ZNF516: variants seen among roughly 807,000 people sequenced by gnomAD.
ZNF516 encodes zinc finger protein 516.
Under a neutral mutation model 79.7 loss-of-function variants are expected in ZNF516, and 19 were observed. The observed-to-expected ratio is 0.24, with a 90% CI of 0.17 to 0.35. The LOEUF (loss-of-function observed/expected upper bound fraction) is 0.35. Ranked by LOEUF, ZNF516 falls within the 10% of genes least tolerant of loss-of-function variation. The pLI is 1.00. For missense variants in ZNF516, 1,678 were observed against 1,679.5 expected (o/e 1.00, Z 0.02); for synonymous variants, 877 against 739.5 (o/e 1.19, Z -3.02).
At chr18:76,363,538 T>C (rs1873174125) in intron 6 of ZNF516, among the ~76,000 whole-genome samples, 1 of 152,090 alleles carries the variant, frequency 6.6e-6, no homozygotes, top group Non-Finnish European at 1.5e-5. Context: ...CTGGACAAAA[T>C]TTTACGAGGG....
At position 76,380,056 on chromosome 18, in the gene ZNF516, G is replaced by C. The variant is rs770298086; in HGVS notation, c.2058C>G (p.Val686=). The change falls in exon 4 of 7, where the codon GTC becomes GTG. Residue 686 remains valine, a synonymous_variant. Transcript: ENST00000443185. ...AAGGGAACTCCACACCATCACCAGG[G>C]ACGGGCACCTCCTGCTTGGGGTGAA... ...PAFHPKQEVP[V]PGDGVEFPSS... 6.2e-7 allele frequency: 1 copy of C among 1,613,978 alleles called. No individual in the cohort carries two copies. The highest frequency in any genetic ancestry group is 1.1e-5 in the South Asian group (1 of 91,080).
Position 76,441,133 on chromosome 18 carries a change from C to T in ZNF516, c.1810+112G>A, listed in dbSNP as rs928810224. ...GCATAGGCCTAGCTGAGTAAAGGGC[C>T]ACCGGGTAAGGGGCTAATGAGCGAG... On this transcript the variant is annotated intron_variant, in intron 3 of 6. Transcript: ENST00000443185. 15 of 1,411,934 alleles carry T rather than the reference C, an allele frequency of 1.1e-5. No homozygotes were observed. In the African/African-American group the frequency reaches 1.9e-4, roughly 18 times the overall value. The allele number at this position is 1,411,934 out of a possible 1,614,324, so 87.5% of individuals were successfully genotyped here.
intron 4 of ZNF516, among the ~76,000 whole-genome samples, chr18:76,371,981 A>G (rs1272418228): frequency 1.3e-5 from 2 of 152,134 alleles, no homozygotes; most frequent in Non-Finnish European, 2.9e-5. Flanking sequence ...GCGGGACCAG[A>G]GCCCACCGTG....
chr18:76,496,218 C>G (rs1479941856), upstream of ZNF516: 31 of 1,228,754 alleles, frequency 2.5e-5, no homozygotes, highest in African/African-American at 4.7e-5. Context: ...CCTTCACGGC[C>G]GGTGACGTAG....
intron 1 of ZNF516, chr18:76,490,681 C>A: frequency 1.3e-6 from 1 of 761,560 alleles, no homozygotes; most frequent in Non-Finnish European, 1.6e-6. Context: ...TTTAAATTAC[C>A]TTCAATCAAG....
chr18:76,475,766 T>C (rs1377515058), intron 1 of ZNF516, among the ~76,000 whole-genome samples: 3 of 152,138 alleles, frequency 2.0e-5, no homozygotes, highest in Non-Finnish European at 2.9e-5. Context: ...ACCCTACACA[T>C]GCCTTAAAGC....
intron 3 of ZNF516, among the ~76,000 whole-genome samples, chr18:76,418,024 G>A (rs777316588): frequency 1.3e-5 from 2 of 152,138 alleles, no homozygotes; most frequent in Non-Finnish European, 2.9e-5. Flanking sequence ...AGGATTCTAC[G>A]TTTCTCCTTC....
chr18:76,371,611 G>T, intron 4 of ZNF516, 40 bp from the exon 5 acceptor site: 1 of 1,564,688 alleles, frequency 6.4e-7, no homozygotes, highest in South Asian at 1.1e-5. Context: ...GGCCGTGGTG[G>T]GGTTGGCGTG....
At chr18:76,421,148 A>G (rs1239216884) in intron 3 of ZNF516, among the ~76,000 whole-genome samples, 2 of 152,252 alleles carry the variant, frequency 1.3e-5, no homozygotes, top group African/African-American at 2.4e-5. Context: ...ATGTATGTTC[A>G]GGGTCAACTA....
chr18:76,370,484 C>T (rs1035205626), intron 6 of ZNF516, 44 bp downstream of exon 6: 4 of 1,545,090 alleles, frequency 2.6e-6, no homozygotes, highest in Non-Finnish European at 3.5e-6. Flanking sequence ...CCTTTCCCAG[C>T]TACCGCATCG....
chr18:76,427,815 A>G (rs981937930), intron 3 of ZNF516, among the ~76,000 whole-genome samples: 3 of 152,252 alleles, frequency 2.0e-5, no homozygotes, highest in African/African-American at 7.2e-5. Flanking sequence ...GGACAAGTAC[A>G]TCAGGGAAGA....
chr18:76,371,442 G>A (rs747040802), intron 5 of ZNF516, 25 bp downstream of exon 5: 2 of 1,591,624 alleles, frequency 1.3e-6, no homozygotes, highest in Admixed American at 3.4e-5. Flanking sequence ...CTCCCCTTGG[G>A]GATAGCTGGG....
intron 2 of ZNF516, among the ~76,000 whole-genome samples, chr18:76,458,668 CCGTCGTGTGTGCGTGCCTCACCGT>C (rs1568310509): frequency 6.8e-6 from 1 of 146,670 alleles, no homozygotes; most frequent in Non-Finnish European, 1.5e-5. Flanking sequence ...GCGTGCCTCA[CCGTCGTGTGTGCGTGCCTCACCGT>C]CGTGTGTGCG....
chr18:76,404,854 T>G (rs2075283598), intron 3 of ZNF516, among the ~76,000 whole-genome samples: 2 of 152,314 alleles, frequency 1.3e-5, no homozygotes, highest in South Asian at 4.1e-4. Flanking sequence ...TGTGTGCATG[T>G]GTGAGCATCT....
At chr18:76,399,023 C>G (rs561640519) in intron 3 of ZNF516, among the ~76,000 whole-genome samples, 1 of 152,166 alleles carries the variant, frequency 6.6e-6, no homozygotes, top group East Asian at 1.9e-4. Context: ...CTCTGTCCTC[C>G]GTGACAGAGG....
intron 1 of ZNF516, among the ~76,000 whole-genome samples, chr18:76,463,569 C>G (rs1913258173): frequency 6.6e-6 from 1 of 152,266 alleles, no homozygotes; most frequent in East Asian, 1.9e-4. Context: ...CCAGAAATGC[C>G]AGGCCCCTGG....
chr18:76,429,407 C>T (rs2075634400), intron 3 of ZNF516, among the ~76,000 whole-genome samples: 1 of 152,204 alleles, frequency 6.6e-6, no homozygotes, highest in Non-Finnish European at 1.5e-5. Context: ...CAGCAATCCA[C>T]GCTCCCCAGC....
rs913738166 is a variant in ZNF516, at chr18:76,477,413, G to A, written c.-271-14272C>T. On this transcript the variant is annotated intron_variant, in intron 1 of 6. Coordinates refer to ENST00000443185, the MANE Select transcript of ZNF516 (RefSeq NM_014643.4). ...AGGTAACCTGAAGTGTCACCTCCAA[G>A]AACGGGACCCAGCCCCACAATGAGG... Among the ~76,000 whole-genome samples the A allele has an allele frequency of 2.6e-5, 4 of 152,156 alleles. No individual in the cohort carries two copies. The South Asian group carries it at 6.2e-4, about 24-fold the overall frequency.
chr18:76,443,818 T>C (rs1163027190), intron 2 of ZNF516, among the ~76,000 whole-genome samples: 2 of 152,230 alleles, frequency 1.3e-5, no homozygotes, highest in African/African-American at 4.8e-5. Context: ...CTAGGCTGTA[T>C]GGTGAAGCCA....
Sources: gnomAD v4.1 joint callset for allele counts (sites outside exome capture counted in the v4.1 genomes callset) on GRCh38, gnomAD v4.1.1 for gene constraint, MANE v1.5 for transcripts, NCBI Gene and HGNC (gene_info 2026-07-23, HGNC 2026-07-21) for gene names.